The following DLL4 variants were observed in gnomAD, a reference collection of about 807,000 sequenced individuals.
DLL4 encodes delta-like protein 4.
A neutral mutation model predicts 73.6 loss-of-function variants in DLL4; 7 were observed. The observed-to-expected ratio is 0.10, with a 90% CI of 0.05 to 0.18. The LOEUF is 0.18. Ranked by LOEUF, DLL4 falls within the 10% of genes least tolerant of loss-of-function variation. The pLI, the probability that DLL4 is intolerant of heterozygous loss-of-function variation, is 1.00. For synonymous variants in DLL4, 345 were observed against 374.3 expected, an observed-to-expected ratio of 0.92 and a Z score of 0.90; for missense variants, 614 against 929.9, an observed-to-expected ratio of 0.66 and a Z score of 4.42.
Position 40,938,251 on chromosome 15 carries a change from C to T in DLL4, c.*217C>T. 1 of 459,316 alleles carries T rather than the reference C, an allele frequency of 2.2e-6. No homozygotes were observed. Among genetic ancestry groups the T allele is most frequent in the East Asian group, 3.6e-5 (1 of 27,762 alleles). The allele number at this position is 459,316 out of a possible 1,614,324, so 28.5% of individuals were successfully genotyped here. On this transcript the variant is annotated 3_prime_UTR_variant, in exon 11 of 11. Transcript: ENST00000249749. ...CTGTCTGGCATCAGATTGGCAGCTG[C>T]ACCAACCAGAGGAACAGAAGAGAAG... is the stretch of plus-strand genomic sequence containing the variant.
Position 40,936,623 on chromosome 15 carries a change from G to A in DLL4, c.1636G>A (p.Gly546Ser). Residue 546 changes from glycine to serine, a missense_variant, in exon 9 of 11, where the codon GGC becomes AGC. Around this residue, in one of 3 missense-constraint regions of DLL4, gnomAD observed 386 missense variants for 541.3 expected, o/e 0.71. Coordinates refer to ENST00000249749, the MANE Select transcript of DLL4 (RefSeq NM_019074.4). Reference protein sequence around the residue: ...VGLAVLLVLLGMVAVAVRQLR... With the variant: ...VGLAVLLVLLSMVAVAVRQLR... ...GCTGGCAGTGCTGCTGGTACTGCTG[G>A]GCATGGTGGCAGTGGCTGTGCGGCA... 1 of 1,611,108 alleles carries A rather than the reference G, an allele frequency of 6.2e-7. No individual in the cohort carries two copies. Among genetic ancestry groups the A allele is most frequent in the South Asian group, 1.1e-5 (1 of 90,876 alleles).
In DLL4 at chr15:40,929,533, A is replaced by C. The variant is rs563603174; in HGVS notation, c.-136A>C. The C allele has an allele frequency of 9.9e-6, 8 of 806,058 alleles. No individual in the cohort carries two copies. In the African/African-American group the frequency reaches 1.4e-4, roughly 14 times the overall value. The allele number at this position is 806,058 out of a possible 1,614,324, so 49.9% of individuals were successfully genotyped here. A position where few individuals can be genotyped will look rare whatever the true frequency, so the allele number is the denominator to read the frequency against. On this transcript the variant is annotated 5_prime_UTR_variant, in exon 1 of 11. Transcript: ENST00000249749. This position sits in a 1 kb window ranked among gnomAD's most constrained non-coding sequence, Gnocchi z 7.1. ...GGCAGCTGCAGCGGAGCCAGCGAGA[A>C]GGCCAAAGGGGAGCAGCGTCCCGAG...
At chr15:40,931,250 T>G in intron 3 of DLL4, 1 of 559,248 alleles carries the variant, frequency 1.8e-6, no homozygotes, top group East Asian at 2.9e-5. Context: ...CCCTGGGATA[T>G]CTTAACATCC....
rs766048930 is a variant in DLL4 at position 40,929,643 on chromosome 15, G to C, written c.-26G>C. 113 of 1,511,542 alleles carry C rather than the reference G, an allele frequency of 7.5e-5. No individual in the cohort carries two copies. The highest frequency in any genetic ancestry group is 4.9e-4 in the Middle Eastern group (2 of 4,100). 93.6% of individuals were successfully genotyped at this position (1,511,542 alleles called of 1,614,324 possible). A position where few individuals can be genotyped will look rare whatever the true frequency, so the allele number is the denominator to read the frequency against. ...GAACAGAGCCAGATTGAGGGCCCGC[G>C]GGTGGAGAGAGCGACGCCCGAGGGG... On this transcript the variant is annotated 5_prime_UTR_variant, in exon 1 of 11. Coordinates refer to ENST00000249749, the MANE Select transcript of DLL4 (RefSeq NM_019074.4). This position sits in a 1 kb window ranked among gnomAD's most constrained non-coding sequence, Gnocchi z 7.1.
chr15:40,937,119 A>T (rs1228836917), intron 9 of DLL4, among the ~76,000 whole-genome samples, 189 bp downstream of exon 9: 1 of 152,150 alleles, frequency 6.6e-6, no homozygotes, highest in Non-Finnish European at 1.5e-5. Context: ...TCATTCACAC[A>T]TGTCAAGTGT....
In DLL4 at chr15:40,930,825, G is replaced by T. The variant is rs919218760; in HGVS notation, c.394+143G>T. On this transcript the variant is annotated intron_variant, in intron 3 of 10. Coordinates refer to ENST00000249749, the MANE Select transcript of DLL4 (RefSeq NM_019074.4). This position sits in a 1 kb window ranked among gnomAD's most constrained non-coding sequence, Gnocchi z 5.7. Reference sequence around the variant, plus strand: ...CCTGGAGCTGCGCCCCGCGCTGGACGCTCGGATTCCGCTCGCTGCCTGGAC... The same window carrying T: ...CCTGGAGCTGCGCCCCGCGCTGGACTCTCGGATTCCGCTCGCTGCCTGGAC... 5 of 808,894 alleles carry T rather than the reference G, an allele frequency of 6.2e-6. No individual in the cohort carries two copies. The highest frequency in any genetic ancestry group is 3.4e-4 in the Middle Eastern group (1 of 2,968). The allele number at this position is 808,894 out of a possible 1,614,324, so 50.1% of individuals were successfully genotyped here.
chr15:40,936,995 C>T (rs1340800424), intron 9 of DLL4, 65 bp downstream of exon 9: 1 of 1,373,470 alleles, frequency 7.3e-7, no homozygotes, highest in South Asian at 1.5e-5. Context: ...CTAGGCTCCT[C>T]TTAGGCCAGG....
In DLL4 at chr15:40,930,175, G is replaced by T; in HGVS notation, c.336+59G>T. The stretch of plus-strand genomic sequence containing the variant: ...GAAGCCGAGAGAGGAGGCGCCCTGG[G>T]ACCAAAGCCCCCTCCCCAGATTTCC... On this transcript the variant is annotated intron_variant, in intron 2 of 10. Transcript: ENST00000249749. This position sits in a 1 kb window ranked among gnomAD's most constrained non-coding sequence, Gnocchi z 5.7. 4 of 1,558,204 alleles carry T rather than the reference G, an allele frequency of 2.6e-6. No individual in the cohort carries two copies. The highest frequency in any genetic ancestry group is 3.8e-5 in the Admixed American group (2 of 53,080).
At position 40,930,996 on chromosome 15, in the gene DLL4, G is replaced by GGAAT; in HGVS notation, c.394+315_394+318dup. 1 of 500,786 alleles carries GGAAT rather than the reference G, an allele frequency of 2.0e-6. No homozygotes were observed. Among genetic ancestry groups the GGAAT allele is most frequent in the Non-Finnish European group, 3.6e-6 (1 of 281,024 alleles). 31.0% of individuals were successfully genotyped at this position (500,786 alleles called of 1,614,324 possible). Reference sequence around the variant, plus strand: ...TCGCGAATTCCGCTCCTTTGGAAAGGGAATAATGGCTTTGGGATGTTGTTC... The same window carrying GGAAT: ...TCGCGAATTCCGCTCCTTTGGAAAGGGAATGAATAATGGCTTTGGGATGTTGTTC... On this transcript the variant is annotated intron_variant, in intron 3 of 10. Coordinates refer to ENST00000249749, the MANE Select transcript of DLL4 (RefSeq NM_019074.4). This position sits in a 1 kb window ranked among gnomAD's most constrained non-coding sequence, Gnocchi z 5.7.
intron 4 of DLL4, 88 bp downstream of exon 4, chr15:40,931,854 G>T: frequency 6.5e-7 from 1 of 1,527,902 alleles, no homozygotes; most frequent in Admixed American, 1.9e-5. Flanking sequence ...TGCCTCCCTT[G>T]AAGAGTGGGT....
At chr15:40,936,035 A>G (rs1444105080) in intron 8 of DLL4, among the ~76,000 whole-genome samples, 193 bp from the exon 9 acceptor site, 1 of 152,236 alleles carries the variant, frequency 6.6e-6, no homozygotes, top group African/African-American at 2.4e-5. Flanking sequence ...ATTTTTATAC[A>G]TGAGCCCACT....
Position 40,934,720 on chromosome 15 carries a change from G to A in DLL4, c.1020+3G>A. The A allele has an allele frequency of 1.9e-6, 3 of 1,613,360 alleles. No individual in the cohort carries two copies. Among genetic ancestry groups the A allele is most frequent in the Non-Finnish European group, 2.5e-6 (3 of 1,179,530 alleles). On this transcript the variant is annotated splice_donor_region_variant and intron_variant, in intron 7 of 10. Coordinates refer to ENST00000249749, the MANE Select transcript of DLL4 (RefSeq NM_019074.4). ...GTCGCAATGGAGGCAGCTGTAAGGT[G>A]AGGCCCAGACCAGCGCAGGAAGACA...
chr15:40,934,479 G>A, intron 6 of DLL4, 69 bp from the exon 7 acceptor site: 1 of 1,537,450 alleles, frequency 6.5e-7, no homozygotes, highest in Non-Finnish European at 8.9e-7. Flanking sequence ...GGCAAACATG[G>A]ACTGCAAGGA....
chr15:40,935,275 T>C (rs1427715239), intron 8 of DLL4, among the ~76,000 whole-genome samples, 158 bp downstream of exon 8: 1 of 152,206 alleles, frequency 6.6e-6, no homozygotes, highest in Non-Finnish European at 1.5e-5. Flanking sequence ...TGGGGGGCTG[T>C]GGAAGCGGAG....
chr15:40,933,061 G>A (rs1596193244), intron 6 of DLL4, among the ~76,000 whole-genome samples: 1 of 152,226 alleles, frequency 6.6e-6, no homozygotes, highest in Admixed American at 6.5e-5. Flanking sequence ...CCCCAACCTT[G>A]GGGGAGGAGG....
At position 40,931,522 on chromosome 15, in the gene DLL4, A is replaced by G. The variant is rs1017763905; in HGVS notation, c.414A>G (p.Ala138=). 6.2e-7 allele frequency: 1 copy of G among 1,608,872 alleles called. No individual in the cohort carries two copies. The stretch of plus-strand genomic sequence containing the variant: ...CCTCAGAGGCCTTGCCACCAGATGC[A>G]CTCATCAGCAAGATCGCCATCCAGG... The part of the protein sequence containing the change: ...DLRPEALPPD[A]LISKIAIQGS... Residue 138 remains alanine (A), a synonymous_variant, in exon 4 of 11, where the codon GCA becomes GCG. Coordinates refer to ENST00000249749, the MANE Select transcript of DLL4 (RefSeq NM_019074.4).
In DLL4 at chr15:40,930,591, CG is replaced by C. The variant is rs766545719; in HGVS notation, c.337-33del. ...CCCACCTCTCCCCGCTTGCTCATCT[CG>C]CCATCTCTCCGTCCCCCCACCCCCT... On this transcript the variant is annotated intron_variant, in intron 2 of 10. Transcript: ENST00000249749. The surrounding 1 kb of genome is among the most constrained non-coding windows in gnomAD (Gnocchi z 5.7). 64 of 1,602,786 alleles carry C rather than the reference CG, an allele frequency of 4.0e-5. No homozygotes were observed. The highest frequency in any genetic ancestry group is 4.7e-5 in the Non-Finnish European group (55 of 1,170,642).
intron 10 of DLL4, 87 bp from the exon 11 acceptor site, chr15:40,937,942 G>T: frequency 6.5e-7 from 1 of 1,537,272 alleles, no homozygotes. Context: ...CTGCCCCATC[G>T]CCTTCTCCCA....
intron 8 of DLL4, 83 bp from the exon 9 acceptor site, chr15:40,936,145 C>T (rs1016842579): frequency 1.3e-4 from 170 of 1,268,304 alleles, no homozygotes; most frequent in Admixed American, 1.8e-4. Flanking sequence ...AGGGCCCGAA[C>T]GTGTTCCTGG....
Sources: allele counts gnomAD v4.1 joint callset (sites outside exome capture counted in the v4.1 genomes callset), GRCh38; gene constraint gnomAD v4.1.1; regional missense constraint gnomAD v4.1.1; non-coding constraint Gnocchi (gnomAD v3.1); transcripts MANE v1.5; gene names NCBI Gene and HGNC (gene_info 2026-07-23, HGNC 2026-07-21).